DMRT1: variants seen among roughly 807,000 people sequenced by gnomAD.
DMRT1 encodes doublesex- and mab-3-related transcription factor 1.
A neutral mutation model predicts 32.3 loss-of-function variants in DMRT1; 7 were observed. The ratio of observed to expected loss-of-function variants is 0.22; its 90% CI spans 0.12 to 0.41. The LOEUF (loss-of-function observed/expected upper bound fraction) is 0.41. Among genes scored for constraint, DMRT1 ranks in the 10% least tolerant of loss-of-function variants. The pLI is 1.00. For missense variants in DMRT1, 625 were observed against 500.5 expected (o/e 1.25, Z -2.37); for synonymous variants, 278 against 206.1 (o/e 1.35, Z -2.99).
At chr9:963,294 G>A (rs1383490799) in intron 4 of DMRT1, among the ~76,000 whole-genome samples, 1 of 152,104 alleles carries the variant, frequency 6.6e-6, no homozygotes, top group African/African-American at 2.4e-5. Context: ...ACCGATACTC[G>A]ATTTTAAAGC....
intron 4 of DMRT1, among the ~76,000 whole-genome samples, chr9:954,924 G>A (rs1315314860): frequency 1.3e-5 from 2 of 152,200 alleles, no homozygotes; most frequent in Non-Finnish European, 2.9e-5. Flanking sequence ...ACAGGCATGA[G>A]CCACTCCGCC....
chr9:875,330 C>G (rs2132618157), intron 2 of DMRT1, among the ~76,000 whole-genome samples: 1 of 152,308 alleles, frequency 6.6e-6, no homozygotes, highest in African/African-American at 2.4e-5. Context: ...TTTGCAAACT[C>G]ACTTTCCACA....
At position 929,419 on chromosome 9, in the gene DMRT1, AG is replaced by A. The variant is rs1818634823; in HGVS notation, c.967+12513del. Among the ~76,000 whole-genome samples the A allele has an allele frequency of 2.0e-5, 3 of 152,158 alleles. No homozygotes were observed. The South Asian group carries it at 6.2e-4, about 32-fold the overall frequency. On this transcript the variant is annotated intron_variant, in intron 4 of 4. Coordinates refer to ENST00000382276, the MANE Select transcript of DMRT1 (RefSeq NM_021951.3). ...GTATCATTTTTATTTCTACAAAAAC[AG>A]TACAAGAGGGCAATGCTAATCATGC...
intron 3 of DMRT1, among the ~76,000 whole-genome samples, chr9:910,918 A>T (rs905005787): frequency 6.6e-6 from 1 of 152,148 alleles, no homozygotes; most frequent in African/African-American, 2.4e-5. Context: ...ATAAAAAAAA[A>T]CCTTGAGAGG....
chr9:893,888 T>C (rs773062617), intron 2 of DMRT1, 24 bp from the exon 3 acceptor site: 28 of 1,608,402 alleles, frequency 1.7e-5, no homozygotes, highest in Non-Finnish European at 2.4e-5. Flanking sequence ...CCATGTTGTA[T>C]TTTTCTTTTT....
intron 4 of DMRT1, among the ~76,000 whole-genome samples, chr9:920,384 A>T (rs1818315630): frequency 6.6e-6 from 1 of 152,340 alleles, no homozygotes; most frequent in African/African-American, 2.4e-5. Context: ...GCGGTGCCTT[A>T]GAAGCCAAAT....
At chr9:955,212 G>C (rs1330367704) in intron 4 of DMRT1, among the ~76,000 whole-genome samples, 1 of 152,076 alleles carries the variant, frequency 6.6e-6, no homozygotes, top group African/African-American at 2.4e-5. Flanking sequence ...CAGTGCTCCT[G>C]AGAGAGGGCA....
intron 2 of DMRT1, among the ~76,000 whole-genome samples, chr9:883,506 G>A (rs1314998880): frequency 6.6e-6 from 1 of 151,802 alleles, no homozygotes; most frequent in Non-Finnish European, 1.5e-5. Context: ...CCCCCAAAAG[G>A]AGAGCCCGGG....
At chr9:893,229 G>T (rs1817221096) in intron 2 of DMRT1, among the ~76,000 whole-genome samples, 1 of 152,188 alleles carries the variant, frequency 6.6e-6, no homozygotes, top group Non-Finnish European at 1.5e-5. Flanking sequence ...TCATTTATTG[G>T]AATTGACAAT....
intron 2 of DMRT1, among the ~76,000 whole-genome samples, chr9:850,625 A>C (rs1839104047): frequency 6.6e-6 from 1 of 152,212 alleles, no homozygotes; most frequent in Non-Finnish European, 1.5e-5. Context: ...TGTAATATAA[A>C]ATATTTGCAT....
At chr9:935,596 A>G (rs1036508277) in intron 4 of DMRT1, among the ~76,000 whole-genome samples, 8 of 152,198 alleles carry the variant, frequency 5.3e-5, no homozygotes, top group African/African-American at 1.9e-4. Context: ...CTTGTACTAC[A>G]TTTCTATCAG....
Position 842,030 on chromosome 9 carries a change from T to C in DMRT1, c.192T>C (p.Gly64=). Residue 64 remains glycine, a synonymous_variant, in exon 1 of 5, where the codon GGT becomes GGC. Transcript: ENST00000382276. ...CCGGCTCCGGGGCGTCGGACCTGGG[T>C]GCCGGGAGCAAGAAGTCCCCGCGGC... The part of the protein sequence containing the change: ...GGSGSGASDL[G]AGSKKSPRLP... 1 of 1,547,918 alleles carries C rather than the reference T, an allele frequency of 6.5e-7. No homozygotes were observed.
intron 3 of DMRT1, among the ~76,000 whole-genome samples, chr9:903,153 A>C (rs76665972): frequency 0.1 from 15,332 of 152,144 alleles, 846 homozygotes; most frequent in South Asian, 0.18. Context: ...TCTTTTAAAG[A>C]GAAATAGTGG....
At chr9:842,375 C>A in intron 1 of DMRT1, 183 bp downstream of exon 1, 1 of 732,332 alleles carries the variant, frequency 1.4e-6, no homozygotes, top group Non-Finnish European at 2.2e-6. Flanking sequence ...GCTGGGACTA[C>A]AGGCGCACAC....
At chr9:899,766 C>T (rs553133353) in intron 3 of DMRT1, among the ~76,000 whole-genome samples, 9 of 152,344 alleles carry the variant, frequency 5.9e-5, no homozygotes, top group South Asian at 2.1e-4. Flanking sequence ...GGGAGAGGTG[C>T]GTATCGAGTG....
chr9:916,040 A>G (rs1818169304), intron 3 of DMRT1, among the ~76,000 whole-genome samples: 1 of 152,164 alleles, frequency 6.6e-6, no homozygotes, highest in South Asian at 2.1e-4. Context: ...GCCTATAGTC[A>G]TTTTAAATAC....
rs1838695791 is a variant in DMRT1, at chr9:841,884, G to A, written c.46G>A (p.Ala16Thr). 6.2e-7 allele frequency: 1 copy of A among 1,611,990 alleles called. No individual in the cohort carries two copies. Among genetic ancestry groups the A allele is most frequent in the African/African-American group, 1.3e-5 (1 of 74,880 alleles). Residue 16 changes from alanine (A) to threonine (T), a missense_variant, in exon 1 of 5, where the codon GCC becomes ACC. By Grantham distance (58) the Ala-to-Thr change is moderately conservative. Transcript: ENST00000382276. Reference protein sequence around the residue: ...AFSKPSTPSEAPHAPGVPPQG... With the variant: ...AFSKPSTPSETPHAPGVPPQG... ...CAGCAAGCCCTCTACACCGTCGGAA[G>A]CCCCTCACGCCCCCGGGGTACCGCC...
chr9:947,608 CA>C (rs1819288107), intron 4 of DMRT1, among the ~76,000 whole-genome samples: 1 of 152,136 alleles, frequency 6.6e-6, no homozygotes, highest in African/African-American at 2.4e-5. Context: ...TCACGGAGCT[CA>C]ACCCCTTCAC....
At chr9:908,967 C>T (rs942407584) in intron 3 of DMRT1, among the ~76,000 whole-genome samples, 14 of 152,254 alleles carry the variant, frequency 9.2e-5, no homozygotes, top group Non-Finnish European at 1.8e-4. Flanking sequence ...CCTGTCCACC[C>T]CTCACCCCAC....
Sources: gnomAD v4.1 joint callset for allele counts (sites outside exome capture counted in the v4.1 genomes callset) on GRCh38, gnomAD v4.1.1 for gene constraint, MANE v1.5 for transcripts, NCBI Gene and HGNC (gene_info 2026-07-23, HGNC 2026-07-21) for gene names.